LRRC1: variants seen among roughly 807,000 people sequenced by gnomAD.
The protein encoded by LRRC1 is leucine rich repeat containing 1.
Under a neutral mutation model 69.9 loss-of-function variants are expected in LRRC1, and 28 were observed. The ratio of observed to expected loss-of-function variants is 0.40; its 90% CI spans 0.30 to 0.55. The LOEUF is 0.55. Ranked by LOEUF, LRRC1 falls within the 20% of genes least tolerant of loss-of-function variation. The pLI, the probability that LRRC1 is intolerant of heterozygous loss-of-function variation, is 0.47. For missense variants in LRRC1, 498 were observed against 609.0 expected (o/e 0.82, Z 1.92); for synonymous variants, 236 against 240.2 (o/e 0.98, Z 0.16).
chr6:53,868,133 A>G (rs565492026), intron 2 of LRRC1, among the ~76,000 whole-genome samples: 2 of 152,074 alleles, frequency 1.3e-5, no homozygotes, highest in South Asian at 4.2e-4. Context: ...AGGTACATAG[A>G]TGGTTATTTA....
intron 8 of LRRC1, among the ~76,000 whole-genome samples, chr6:53,901,453 T>C (rs1768053478): frequency 6.6e-6 from 1 of 151,858 alleles, no homozygotes; most frequent in Non-Finnish European, 1.5e-5. Context: ...AGGGGAAGGA[T>C]TGCTTGAGTC....
chr6:53,822,817 C>T (rs1765152985), intron 1 of LRRC1, among the ~76,000 whole-genome samples: 1 of 152,176 alleles, frequency 6.6e-6, no homozygotes, highest in African/African-American at 2.4e-5. Flanking sequence ...TTGTCTGTGA[C>T]TGTTTATAGA....
chr6:53,842,306 A>C, intron 2 of LRRC1, 79 bp downstream of exon 2: 2 of 896,622 alleles, frequency 2.2e-6, no homozygotes, highest in Non-Finnish European at 3.7e-6. Context: ...GCTACGAGTG[A>C]GAACATGCGG....
rs748156141 is a variant in LRRC1, at chr6:53,896,846, G to A, written c.521G>A (p.Arg174Gln). ...TYLPDSLTQL[R>Q]RLEELDLGNN... ...TAAAATAGCTCTCTTACCCAGCTGC[G>A]AAGACTAGAAGAACTTGATTTAGGA... Residue 174 changes from arginine to glutamine, a missense_variant, in exon 6 of 14, where the codon CGA becomes CAA. Arg to Gln is a conservative substitution (Grantham distance 43). This residue lies in a region of LRRC1 where 266 missense variants were observed against 383.9 expected (regional missense o/e 0.69). Transcript: ENST00000370888. The A allele has an allele frequency of 1.9e-5, 30 of 1,601,714 alleles. No homozygotes were observed. Among genetic ancestry groups the A allele is most frequent in the Admixed American group, 3.3e-5 (2 of 59,842 alleles).
At chr6:53,920,982 T>C (rs547167477) in intron 13 of LRRC1, among the ~76,000 whole-genome samples, 1 of 152,230 alleles carries the variant, frequency 6.6e-6, no homozygotes, top group South Asian at 2.1e-4. Flanking sequence ...TCTTCTTCTT[T>C]TTTGAGACAG....
intron 4 of LRRC1, 59 bp downstream of exon 4, chr6:53,883,035 T>C (rs1767352943): frequency 2.0e-6 from 2 of 997,204 alleles, no homozygotes; most frequent in Non-Finnish European, 3.1e-6. Flanking sequence ...TATCATCAGC[T>C]CTAGCCTCCT....
At chr6:53,849,672 A>G (rs566649144) in intron 2 of LRRC1, among the ~76,000 whole-genome samples, 2 of 152,354 alleles carry the variant, frequency 1.3e-5, no homozygotes, top group East Asian at 3.9e-4. Context: ...GGAAAGAGGG[A>G]ATGAAAAGCA....
At chr6:53,814,623 T>C (rs1242035677) in intron 1 of LRRC1, among the ~76,000 whole-genome samples, 1 of 152,212 alleles carries the variant, frequency 6.6e-6, no homozygotes, top group Non-Finnish European at 1.5e-5. Flanking sequence ...TGCAGCCTGG[T>C]CGGAGTATGT....
At chr6:53,880,469 T>C (rs1767253291) in intron 3 of LRRC1, among the ~76,000 whole-genome samples, 1 of 152,204 alleles carries the variant, frequency 6.6e-6, no homozygotes, top group African/African-American at 2.4e-5. Context: ...CATCTGACTT[T>C]GATATGTCTC....
chr6:53,887,845 G>T (rs1767539480), intron 4 of LRRC1, among the ~76,000 whole-genome samples: 1 of 152,148 alleles, frequency 6.6e-6, no homozygotes, highest in Non-Finnish European at 1.5e-5. Flanking sequence ...GCAGATGCCG[G>T]TTGGCATGGG....
At chr6:53,834,675 C>T (rs1331341176) in intron 1 of LRRC1, among the ~76,000 whole-genome samples, 3 of 152,202 alleles carry the variant, frequency 2.0e-5, no homozygotes, top group Non-Finnish European at 4.4e-5. Context: ...CTCTACCTCA[C>T]TTGGTTATAG....
chr6:53,914,106 A>G, intron 11 of LRRC1, 137 bp downstream of exon 11: 1 of 592,096 alleles, frequency 1.7e-6, no homozygotes, highest in East Asian at 2.8e-5. Flanking sequence ...CCTAGGCCTC[A>G]GGGAGTTCCT....
intron 4 of LRRC1, among the ~76,000 whole-genome samples, chr6:53,885,014 C>A (rs4455653): frequency 0.14 from 21,030 of 152,046 alleles, 2,011 homozygotes; most frequent in East Asian, 0.49. Context: ...CTTATTAGGT[C>A]ACTTTGTGAA....
At chr6:53,901,212 A>G (rs1345757871) in intron 8 of LRRC1, among the ~76,000 whole-genome samples, 1 of 152,238 alleles carries the variant, frequency 6.6e-6, no homozygotes, top group East Asian at 1.9e-4. Flanking sequence ...GATGTATTAC[A>G]GCTTTCTGAT....
intron 1 of LRRC1, among the ~76,000 whole-genome samples, chr6:53,817,597 A>G (rs1296087401): frequency 1.3e-5 from 2 of 152,106 alleles, no homozygotes; most frequent in East Asian, 1.9e-4. Flanking sequence ...TTATCTTTGT[A>G]CCCCCTTAAG....
Position 53,847,245 on chromosome 6 carries a change from TGTTA to T in LRRC1, c.277+5021_277+5024del, listed in dbSNP as rs550872345. Among the ~76,000 whole-genome samples the T allele has an allele frequency of 7.6e-3, 1,154 of 152,336 alleles. 4 individuals are homozygous for T. The highest frequency in any genetic ancestry group is 0.011 in the Non-Finnish European group (773 of 68,024). On this transcript the variant is annotated intron_variant, in intron 2 of 13. Transcript: ENST00000370888. ...CGTGGTGATAATAGCTTTGAATTCG[TGTTA>T]GTGATTTAAAACAATTTTCTTCCTT...
chr6:53,890,792 T>G (rs1767654572), intron 4 of LRRC1, among the ~76,000 whole-genome samples: 1 of 152,188 alleles, frequency 6.6e-6, no homozygotes, highest in Non-Finnish European at 1.5e-5. Context: ...ATTCCCCCAT[T>G]AATAGTTTTT....
intron 1 of LRRC1, among the ~76,000 whole-genome samples, chr6:53,824,470 G>C (rs149112548): frequency 6.6e-6 from 1 of 152,046 alleles, no homozygotes; most frequent in Non-Finnish European, 1.5e-5. Flanking sequence ...TTCTTTTGCT[G>C]TGCAGAAGCT....
At chr6:53,875,539 G>A (rs1196575934) in intron 2 of LRRC1, among the ~76,000 whole-genome samples, 1 of 151,868 alleles carries the variant, frequency 6.6e-6, no homozygotes, top group African/African-American at 2.4e-5. Context: ...AGTGTTGGTG[G>A]TGTTTATTTT....
Sources: gnomAD v4.1 joint callset for allele counts (sites outside exome capture counted in the v4.1 genomes callset) on GRCh38, gnomAD v4.1.1 for gene constraint, gnomAD v4.1.1 regional missense constraint, MANE v1.5 for transcripts, NCBI Gene and HGNC (gene_info 2026-07-23, HGNC 2026-07-21) for gene names.